Variants in PPP3CA observed in about 807,000 individuals in gnomAD.
PPP3CA encodes the protein protein phosphatase 3 catalytic subunit alpha, also known as CAM-PRP catalytic subunit.
PPP3CA carries 14 observed loss-of-function variants against 66.5 expected under a neutral mutation model. The observed-to-expected ratio is 0.21, with a 90% CI of 0.14 to 0.33. The LOEUF is 0.33. Ranked by LOEUF, PPP3CA falls within the 10% of genes least tolerant of loss-of-function variation. The pLI is 1.00. For synonymous variants in PPP3CA, 232 were observed against 226.2 expected, an observed-to-expected ratio of 1.03 and a Z score of -0.23; for missense variants, 317 against 639.5, an observed-to-expected ratio of 0.50 and a Z score of 5.44.
Position 101,319,170 on chromosome 4 carries a change from G to GA in PPP3CA, c.58+27568dup, listed in dbSNP as rs752226737. ...GAAGAATTCTGAGTTATACCATATT[G>GA]AAAAAAAAAAAAAAAGCCTGGCTTT... On this transcript the variant is annotated intron_variant, in intron 1 of 13. Coordinates refer to ENST00000394854, the MANE Select transcript of PPP3CA (RefSeq NM_000944.5). 6.7e-3 allele frequency among the ~76,000 whole-genome samples: 598 copies of GA among 88,736 alleles called. 4 individuals are homozygous for GA. The highest frequency in any genetic ancestry group is 0.025 in the South Asian group (64 of 2,578). The allele number at this position is 88,736 out of a possible 152,430, so 58.2% of individuals were successfully genotyped here.
chr4:101,046,321 A>G (rs2110214624), intron 10 of PPP3CA, among the ~76,000 whole-genome samples: 1 of 152,284 alleles, frequency 6.6e-6, no homozygotes, highest in Admixed American at 6.5e-5. Context: ...TAGAATGTGA[A>G]AAAGCTGCTT....
intron 13 of PPP3CA, among the ~76,000 whole-genome samples, chr4:101,027,244 C>T (rs987704625): frequency 1.6e-4 from 23 of 148,324 alleles, no homozygotes; most frequent in African/African-American, 5.8e-4. Flanking sequence ...CTTTATCCTC[C>T]CAACCTTATT....
intron 2 of PPP3CA, among the ~76,000 whole-genome samples, chr4:101,185,801 T>C (rs1375242872): frequency 6.6e-6 from 1 of 152,120 alleles, no homozygotes; most frequent in Non-Finnish European, 1.5e-5. Flanking sequence ...AATGGAAGGG[T>C]CATGGCCTTA....
At chr4:101,289,056 A>G (rs1727936461) in intron 1 of PPP3CA, among the ~76,000 whole-genome samples, 1 of 152,206 alleles carries the variant, frequency 6.6e-6, no homozygotes. Flanking sequence ...TTTTAAAAAA[A>G]AGAAAAATGA....
At position 101,278,561 on chromosome 4, in the gene PPP3CA, A is replaced by T. The variant is rs1727582957; in HGVS notation, c.58+68178T>A. On this transcript the variant is annotated intron_variant, in intron 1 of 13. Coordinates refer to ENST00000394854, the MANE Select transcript of PPP3CA (RefSeq NM_000944.5). ...CTATAAAGCAGACTGCGGATACCAC[A>T]GAGGTGGAATATTAACTTCATTGTG... is the stretch of plus-strand genomic sequence containing the variant. Among the ~76,000 whole-genome samples the T allele has an allele frequency of 2.6e-5, 4 of 152,206 alleles. No individual in the cohort carries two copies. In the South Asian group the frequency reaches 6.2e-4, roughly 24 times the overall value.
chr4:101,135,500 A>G (rs1578482443), intron 2 of PPP3CA, among the ~76,000 whole-genome samples: 1 of 152,308 alleles, frequency 6.6e-6, no homozygotes, highest in East Asian at 1.9e-4. Context: ...TACCTGGTCT[A>G]AAAAACAGAA....
chr4:101,171,514 T>C (rs1334895745), intron 2 of PPP3CA, among the ~76,000 whole-genome samples: 1 of 152,134 alleles, frequency 6.6e-6, no homozygotes, highest in Non-Finnish European at 1.5e-5. Flanking sequence ...TTCTAAACTG[T>C]TTCCCAATGT....
chr4:101,148,454 A>G (rs1723036175), intron 2 of PPP3CA, among the ~76,000 whole-genome samples: 1 of 152,146 alleles, frequency 6.6e-6, no homozygotes, highest in Non-Finnish European at 1.5e-5. Flanking sequence ...ATCTTTCTAA[A>G]CAGGAATTTT....
chr4:101,344,041 G>A (rs184621521), intron 1 of PPP3CA, among the ~76,000 whole-genome samples: 169 of 151,982 alleles, frequency 1.1e-3, no homozygotes, highest in African/African-American at 3.7e-3. Flanking sequence ...CACATACTTC[G>A]TAAAAAAGAG....
At chr4:101,318,822 T>C (rs534951839) in intron 1 of PPP3CA, among the ~76,000 whole-genome samples, 3 of 152,118 alleles carry the variant, frequency 2.0e-5, no homozygotes, top group Non-Finnish European at 2.9e-5. Context: ...ATCAAGAGAA[T>C]TCTAATAGCT....
intron 2 of PPP3CA, among the ~76,000 whole-genome samples, chr4:101,124,729 A>AAGAAAGAAAG (rs1722170791): frequency 1.3e-4 from 7 of 54,332 alleles, no homozygotes; most frequent in South Asian, 6.9e-4. Context: ...AAGAAAGAGA[A>AAGAAAGAAAG]AGAAAGAAAG....
chr4:101,301,725 T>G (rs1728383243), intron 1 of PPP3CA, among the ~76,000 whole-genome samples: 1 of 149,080 alleles, frequency 6.7e-6, no homozygotes, highest in South Asian at 2.1e-4. Flanking sequence ...GCTCCTGACC[T>G]CGTGATCCAC....
At chr4:101,032,025 T>C (rs1880942) in intron 12 of PPP3CA, among the ~76,000 whole-genome samples, 56,082 of 152,098 alleles carry the variant, frequency 0.37, 11,829 homozygotes, top group Non-Finnish European at 0.48. Context: ...AGGCTGAATA[T>C]GTAGATTAAC....
chr4:101,275,080 C>G (rs554802440), intron 1 of PPP3CA, among the ~76,000 whole-genome samples: 1 of 152,094 alleles, frequency 6.6e-6, no homozygotes, highest in African/African-American at 2.4e-5. Context: ...TTTCACTGAC[C>G]CTACTTCCTC....
intron 2 of PPP3CA, among the ~76,000 whole-genome samples, chr4:101,156,942 GAA>G (rs1723343028): frequency 6.6e-6 from 1 of 152,148 alleles, no homozygotes; most frequent in African/African-American, 2.4e-5. Context: ...AATTAGAAGA[GAA>G]AGAGACAAAC....
chr4:101,190,833 A>C (rs1724577275), intron 2 of PPP3CA, among the ~76,000 whole-genome samples: 1 of 152,178 alleles, frequency 6.6e-6, no homozygotes, highest in African/African-American at 2.4e-5. Context: ...AAATATAATA[A>C]ATTATAATCA....
rs553907352 is a variant in PPP3CA, at chr4:101,061,463, GT to G, written c.1082-303del. On this transcript the variant is annotated intron_variant, in intron 9 of 13. Coordinates refer to ENST00000394854, the MANE Select transcript of PPP3CA (RefSeq NM_000944.5). The stretch of plus-strand genomic sequence containing the variant: ...CTACAAATCAATGAAAGAGAAAATA[GT>G]TTTTTTGAATTTTTATTAGTCACAC... Among the ~76,000 whole-genome samples the G allele has an allele frequency of 7.9e-5, 12 of 152,074 alleles. No homozygotes were observed. In the East Asian group the frequency reaches 2.3e-3, roughly 29 times the overall value.
At chr4:101,173,856 G>A (rs1421153513) in intron 2 of PPP3CA, among the ~76,000 whole-genome samples, 1 of 152,090 alleles carries the variant, frequency 6.6e-6, no homozygotes, top group Non-Finnish European at 1.5e-5. Flanking sequence ...TTTGAAACCA[G>A]TCTAGGCAGC....
At chr4:101,041,411 A>C (rs1209077278) in intron 10 of PPP3CA, among the ~76,000 whole-genome samples, 2 of 150,556 alleles carry the variant, frequency 1.3e-5, no homozygotes, top group African/African-American at 4.9e-5. Context: ...AGTATAAAAC[A>C]GAAAAAATAC....
Sources: gnomAD v4.1 joint callset for allele counts (sites outside exome capture counted in the v4.1 genomes callset) on GRCh38, gnomAD v4.1.1 for gene constraint, MANE v1.5 for transcripts, NCBI Gene and HGNC (gene_info 2026-07-23, HGNC 2026-07-21) for gene names.